The following KIAA1217 variants were observed in gnomAD, a reference collection of about 807,000 sequenced individuals.
The protein encoded by KIAA1217 is sickle tail protein homolog.
A neutral mutation model predicts 163.9 loss-of-function variants in KIAA1217; 88 were observed. That is an observed-to-expected ratio of 0.54 (90% CI 0.45 to 0.64). KIAA1217 has a LOEUF of 0.64. Ranked by LOEUF, KIAA1217 falls within the 30% of genes least tolerant of loss-of-function variation. The pLI is 0.00. For missense variants in KIAA1217, 2,372 were observed against 2,475.0 expected (o/e 0.96, Z 0.88); for synonymous variants, 903 against 923.1 (o/e 0.98, Z 0.39).
intron 2 of KIAA1217, among the ~76,000 whole-genome samples, chr10:24,027,991 A>G (rs1848036074): frequency 6.6e-6 from 1 of 152,144 alleles, no homozygotes. Context: ...CCCACTTTGC[A>G]AGGTAATGAT....
rs1363187309 is a variant in KIAA1217 at position 23,766,591 on chromosome 10, TTTC to T, written c.-321+71360_-321+71362del. 1.7e-3 allele frequency among the ~76,000 whole-genome samples: 241 copies of T among 145,462 alleles called. 11 individuals carry two copies. In the East Asian group the frequency reaches 0.02, roughly 12 times the overall value. On this transcript the variant is annotated intron_variant, in intron 1 of 18. Coordinates refer to the KIAA1217 transcript ENST00000376462. ...TTCTTTTTTTTTTCTTTCTTTCTTTTTTCTTTTTTTTTTTTGAGACAGCGTCTC... is the reference window on the plus strand; with the variant it reads ...TTCTTTTTTTTTTCTTTCTTTCTTTTTTTTTTTTTTTTGAGACAGCGTCTC...
At chr10:24,334,438 TGGAAGGAA>T (rs60016533) in intron 2 of KIAA1217, among the ~76,000 whole-genome samples, 5,181 of 82,230 alleles carry the variant, frequency 0.063, 209 homozygotes, top group East Asian at 0.14. Context: ...GAGGGAAGGA[TGGAAGGAA>T]GGAAGGAAGG....
At chr10:23,768,560 A>G (rs1415725241) in intron 1 of KIAA1217, among the ~76,000 whole-genome samples, 1 of 152,208 alleles carries the variant, frequency 6.6e-6, no homozygotes, top group Non-Finnish European at 1.5e-5. Context: ...TCTTAATTTT[A>G]CCATTCAGGA....
At chr10:24,261,814 G>A (rs1564363145) in intron 2 of KIAA1217, among the ~76,000 whole-genome samples, 1 of 152,178 alleles carries the variant, frequency 6.6e-6, no homozygotes, top group Non-Finnish European at 1.5e-5. Context: ...TGCATGGGAA[G>A]GACATTTGCC....
intron 1 of KIAA1217, among the ~76,000 whole-genome samples, chr10:23,934,381 G>T (rs776528114): frequency 1.3e-5 from 2 of 150,992 alleles, no homozygotes; most frequent in Non-Finnish European, 2.9e-5. Flanking sequence ...GGCCTGTTGG[G>T]GGGTGAGGGG....
chr10:23,696,336 A>G (rs1442145268), intron 1 of KIAA1217, among the ~76,000 whole-genome samples: 2 of 152,204 alleles, frequency 1.3e-5, no homozygotes, highest in Non-Finnish European at 2.9e-5. Context: ...AAATTTGATG[A>G]AACGATCCTA....
chr10:23,822,876 A>G (rs80147477), intron 1 of KIAA1217, among the ~76,000 whole-genome samples: 2,662 of 152,322 alleles, frequency 0.017, 59 homozygotes, highest in South Asian at 0.052. Flanking sequence ...TGAAAACATA[A>G]CAATGATTGA....
intron 1 of KIAA1217, among the ~76,000 whole-genome samples, chr10:23,992,607 C>CTT (rs368335847): frequency 1.2e-4 from 15 of 127,928 alleles, no homozygotes; most frequent in South Asian, 7.7e-4. Flanking sequence ...GCCATCATTT[C>CTT]TTTTTTTTTT....
intron 1 of KIAA1217, among the ~76,000 whole-genome samples, chr10:23,922,047 A>AC (rs1288964283): frequency 1.3e-5 from 2 of 149,678 alleles, no homozygotes; most frequent in African/African-American, 4.9e-5. Flanking sequence ...TTCACCCCCC[A>AC]CCCCCCACCA....
chr10:24,484,242 T>TATATATATATATATATA (rs34504704), intron 6 of KIAA1217, among the ~76,000 whole-genome samples: 7 of 48,250 alleles, frequency 1.5e-4, no homozygotes, highest in South Asian at 2.7e-3. Flanking sequence ...TATATATATA[T>TATATATATATATATATA]TTTTTTTTTT....
At chr10:24,537,675 C>A (rs1189105127) in intron 17 of KIAA1217, among the ~76,000 whole-genome samples, 1 of 151,920 alleles carries the variant, frequency 6.6e-6, no homozygotes, top group Non-Finnish European at 1.5e-5. Flanking sequence ...TGGAAACATA[C>A]AAATGTGTAT....
rs138338090 is a variant in KIAA1217, at chr10:24,028,858, A to C, written c.-171+21484A>C. On this transcript the variant is annotated intron_variant, in intron 2 of 18. Transcript: ENST00000376462. ...CTTCTGTAAATAAGTGTTATGTTGA[A>C]TATTTTAAAATGTATCATTGTGAAA... is the stretch of plus-strand genomic sequence containing the variant. Among the ~76,000 whole-genome samples, 510 of 152,284 alleles carry C rather than the reference A, an allele frequency of 3.3e-3. 1 individual carries two copies. Among genetic ancestry groups the C allele is most frequent in the Middle Eastern group, 0.01 (3 of 294 alleles).
intron 1 of KIAA1217, among the ~76,000 whole-genome samples, chr10:23,697,087 C>T (rs1352372211): frequency 2.0e-5 from 3 of 152,244 alleles, no homozygotes; most frequent in Non-Finnish European, 2.9e-5. Flanking sequence ...CACCCATCTC[C>T]GTTCTCTATG....
chr10:24,135,431 G>A (rs906869184), intron 2 of KIAA1217, among the ~76,000 whole-genome samples: 4 of 151,984 alleles, frequency 2.6e-5, no homozygotes, highest in African/African-American at 4.8e-5. Context: ...GCTGGGATTG[G>A]CGTGGGGACT....
At chr10:24,300,007 C>T (rs2041113356) in intron 2 of KIAA1217, among the ~76,000 whole-genome samples, 1 of 152,182 alleles carries the variant, frequency 6.6e-6, no homozygotes, top group Admixed American at 6.5e-5. Context: ...TATAGCTTCA[C>T]CCGTGCTTCC....
chr10:24,304,245 A>G (rs1055319494), intron 2 of KIAA1217, among the ~76,000 whole-genome samples: 3 of 151,412 alleles, frequency 2.0e-5, no homozygotes, highest in Non-Finnish European at 4.4e-5. Context: ...TACTTAAGAA[A>G]AATCTTGCAA....
intron 2 of KIAA1217, among the ~76,000 whole-genome samples, chr10:24,347,920 C>T (rs1235379780): frequency 6.6e-6 from 1 of 152,190 alleles, no homozygotes; most frequent in Non-Finnish European, 1.5e-5. Context: ...GGTTACCATC[C>T]TTTGAGTTTT....
intron 1 of KIAA1217, among the ~76,000 whole-genome samples, chr10:23,704,007 G>T (rs1836668704): frequency 6.7e-6 from 1 of 150,162 alleles, no homozygotes; most frequent in African/African-American, 2.4e-5. Flanking sequence ...CCTTGGAATA[G>T]AACATCAGGG....
At chr10:23,785,774 A>G (rs1349920206) in intron 1 of KIAA1217, among the ~76,000 whole-genome samples, 1 of 152,150 alleles carries the variant, frequency 6.6e-6, no homozygotes, top group Admixed American at 6.6e-5. Flanking sequence ...ACTCAGAAAT[A>G]TATGTAGTAA....
Sources: gnomAD v4.1 joint callset for allele counts (sites outside exome capture counted in the v4.1 genomes callset) on GRCh38, gnomAD v4.1.1 for gene constraint, MANE v1.5 for transcripts, NCBI Gene and HGNC (gene_info 2026-07-23, HGNC 2026-07-21) for gene names.